PKDCC: variants seen among roughly 807,000 people sequenced by gnomAD.
PKDCC encodes extracellular tyrosine-protein kinase PKDCC.
A neutral mutation model predicts 44.7 loss-of-function variants in PKDCC; 35 were observed. The ratio of observed to expected loss-of-function variants is 0.78; its 90% confidence interval spans 0.60 to 1.04. The LOEUF is 1.04. Among genes scored for constraint, PKDCC ranks in the 50% least tolerant of loss-of-function variants. PKDCC has a pLI of 0.00. For synonymous variants in PKDCC, 353 were observed against 303.3 expected (o/e 1.16, Z -1.70); for missense variants, 738 against 672.7 (o/e 1.10, Z -1.07).
chr2:42,048,279 C>A lies in PKDCC; in HGVS notation c.80C>A (p.Ala27Asp). Residue 27 changes from alanine to aspartate, a missense_variant, in exon 1 of 7, where the codon GCT becomes GAT. By Grantham distance (126) the Ala-to-Asp change is moderately radical. Coordinates refer to ENST00000294964, the MANE Select transcript of PKDCC (RefSeq NM_138370.3). The surrounding 1 kb of genome is among the most constrained non-coding windows in gnomAD (Gnocchi z 6.2). Reference sequence around the variant, plus strand: ...GGCTCCGTCCTCAACGTGCTCTTCGCTCCGGGCTCGGAGCCTCCGAGGCCA... The same window carrying A: ...GGCTCCGTCCTCAACGTGCTCTTCGATCCGGGCTCGGAGCCTCCGAGGCCA... ...LLGSVLNVLFAPGSEPPRPGQ... is the reference protein window; with the variant it reads ...LLGSVLNVLFDPGSEPPRPGQ... The A allele has an allele frequency of 1.6e-6, 2 of 1,277,592 alleles. No individual in the cohort carries two copies. Among genetic ancestry groups the A allele is most frequent in the African/African-American group, 1.6e-5 (1 of 62,984 alleles). 79.1% of individuals were successfully genotyped at this position (1,277,592 alleles called of 1,614,324 possible).
intron 5 of PKDCC, among the ~76,000 whole-genome samples, chr2:42,056,746 A>G (rs10185599): frequency 0.31 from 46,835 of 151,138 alleles, 7,979 homozygotes; most frequent in African/African-American, 0.43. Flanking sequence ...TCTAGGCAAC[A>G]GAGTGAGACC....
Position 42,054,358 on chromosome 2 carries a change from AG to A in PKDCC, c.1034+54del. On this transcript the variant is annotated intron_variant, in intron 3 of 6. Transcript: ENST00000294964. The surrounding 1 kb of genome is among the most constrained non-coding windows in gnomAD (Gnocchi z 6.1). The stretch of plus-strand genomic sequence containing the variant: ...CTCCATCGAAGGAGAATGGGCCAGG[AG>A]GGCATGGCAGGAAGAGAGCCAACGT... The A allele has an allele frequency of 6.5e-7, 1 of 1,539,820 alleles. No individual in the cohort carries two copies.
Position 42,051,861 on chromosome 2 carries a change from G to A in PKDCC, c.640-1378G>A, listed in dbSNP as rs990964990. On this transcript the variant is annotated intron_variant, in intron 1 of 6. Transcript: ENST00000294964. The surrounding 1 kb of genome is among the most constrained non-coding windows in gnomAD (Gnocchi z 4.2). ...GAGGACCTGGAGTGGCTCTGGGGAG[G>A]GTGTGAATGATGGTATGAGGGTGAC... Among the ~76,000 whole-genome samples, 2 of 152,102 alleles carry A rather than the reference G, an allele frequency of 1.3e-5. No homozygotes were observed. The highest frequency in any genetic ancestry group is 2.4e-5 in the African/African-American group (1 of 41,414).
In PKDCC at chr2:42,055,462, T is replaced by A. The variant is rs1558433044; in HGVS notation, c.1222+69T>A. The stretch of plus-strand genomic sequence containing the variant: ...GGGAGGGTGAATGACCCCGCCCAAT[T>A]AGGCTAAGTGGCTCACCCTTTCTCT... On this transcript the variant is annotated intron_variant, in intron 5 of 6. Transcript: ENST00000294964. This position sits in a 1 kb window ranked among gnomAD's most constrained non-coding sequence, Gnocchi z 4.5. 2.1e-6 allele frequency: 3 copies of A among 1,397,970 alleles called. No homozygotes were observed. Among genetic ancestry groups the A allele is most frequent in the Admixed American group, 1.9e-5 (1 of 51,474 alleles). The allele number at this position is 1,397,970 out of a possible 1,614,324, so 86.6% of individuals were successfully genotyped here. A position where few individuals can be genotyped will look rare whatever the true frequency, so the allele number is the denominator to read the frequency against.
chr2:42,054,957 C>T lies in PKDCC; in HGVS notation c.1051C>T (p.Leu351Phe), dbSNP rs1668028377. Residue 351 changes from leucine (L) to phenylalanine (F), a missense_variant, in exon 4 of 7, where the codon CTC (leucine) becomes TTC (phenylalanine). By Grantham distance (22) the Leu-to-Phe change is conservative. Transcript: ENST00000294964. The surrounding 1 kb of genome is among the most constrained non-coding windows in gnomAD (Gnocchi z 6.1). ...YNAYRFFFTY[L>F]LPHSAPPSLR... ...CTGCCACAGGTTTTTCTTCACATAC[C>T]TCCTGCCTCACAGTGCCCCGCCTTC... The T allele has an allele frequency of 6.2e-7, 1 of 1,613,904 alleles. No individual in the cohort carries two copies. Among genetic ancestry groups the T allele is most frequent in the Non-Finnish European group, 8.5e-7 (1 of 1,179,906 alleles).
Position 42,057,598 on chromosome 2 carries a change from C to T in PKDCC, c.1397-5C>T. On this transcript the variant is annotated splice_region_variant and splice_polypyrimidine_tract_variant and intron_variant, in intron 6 of 6. Transcript: ENST00000294964. Reference sequence around the variant, plus strand: ...GCCCTGTTACCTCTCACCTCTGCCCCCCAGGTCGGCAGCTGGTCTTTTTCA... The same window carrying T: ...GCCCTGTTACCTCTCACCTCTGCCCTCCAGGTCGGCAGCTGGTCTTTTTCA... 1 of 1,613,412 alleles carries T rather than the reference C, an allele frequency of 6.2e-7. No homozygotes were observed. Among genetic ancestry groups the T allele is most frequent in the Non-Finnish European group, 8.5e-7 (1 of 1,179,760 alleles).
intron 1 of PKDCC, among the ~76,000 whole-genome samples, chr2:42,050,693 T>A (rs1667949937): frequency 6.6e-6 from 1 of 151,936 alleles, no homozygotes; most frequent in Non-Finnish European, 1.5e-5. Context: ...TATTGTAGAG[T>A]CCCAGACGAG....
Position 42,054,927 on chromosome 2 carries a change from TC to T in PKDCC, c.1035-11del. 1 of 1,609,638 alleles carries T rather than the reference TC, an allele frequency of 6.2e-7. No individual in the cohort carries two copies. The highest frequency in any genetic ancestry group is 8.5e-7 in the Non-Finnish European group (1 of 1,175,964). On this transcript the variant is annotated splice_polypyrimidine_tract_variant and intron_variant, in intron 3 of 6. Coordinates refer to ENST00000294964, the MANE Select transcript of PKDCC (RefSeq NM_138370.3). This position sits in a 1 kb window ranked among gnomAD's most constrained non-coding sequence, Gnocchi z 6.1. ...AGGCTGGATTCCTGAGCCACTGGTT[TC>T]CCTCTGCCACAGGTTTTTCTTCACA...
Position 42,048,400 on chromosome 2 carries a change from G to A in PKDCC, c.201G>A (p.Val67=), listed in dbSNP as rs888161729. Residue 67 remains valine (V), a synonymous_variant, in exon 1 of 7, where the codon GTG becomes GTA. Transcript: ENST00000294964. This position sits in a 1 kb window ranked among gnomAD's most constrained non-coding sequence, Gnocchi z 6.2. ...AGATCCGGGCGCGCTACGAGGAGGT[G>A]CAGCGCTATTCCCGCGGGGGCCCCG... ...ARQIRARYEE[V]QRYSRGGPGP... The A allele has an allele frequency of 1.2e-5, 14 of 1,159,822 alleles. No individual in the cohort carries two copies. The highest frequency in any genetic ancestry group is 1.5e-5 in the Non-Finnish European group (14 of 944,480). 71.8% of individuals were successfully genotyped at this position (1,159,822 alleles called of 1,614,324 possible). A position where few individuals can be genotyped will look rare whatever the true frequency, so the allele number is the denominator to read the frequency against.
In PKDCC at chr2:42,048,712, C is replaced by G. The variant is rs781015864; in HGVS notation, c.513C>G (p.Ser171Arg). 1 of 1,557,510 alleles carries G rather than the reference C, an allele frequency of 6.4e-7. No individual in the cohort carries two copies. Residue 171 changes from serine (S) to arginine (R), a missense_variant, in exon 1 of 7, where the codon AGC becomes AGG. By Grantham distance (110) the Ser-to-Arg change is moderately radical. Transcript: ENST00000294964. This position sits in a 1 kb window ranked among gnomAD's most constrained non-coding sequence, Gnocchi z 6.2. ...AAVALKAVDF[S>R]GHDLGSCVRE... ...TGGCGCTCAAGGCGGTGGACTTTAG[C>G]GGCCACGATCTGGGCAGCTGCGTGC... is the stretch of plus-strand genomic sequence containing the variant.
chr2:42,053,550 G>A (rs1668004488), intron 2 of PKDCC, 189 bp downstream of exon 2: 2 of 763,980 alleles, frequency 2.6e-6, no homozygotes, highest in Non-Finnish European at 4.1e-6. Flanking sequence ...ATCCCGACAT[G>A]CTGTGCTCTT....
chr2:42,054,375 G>A lies in PKDCC; in HGVS notation c.1034+68G>A. 6.6e-7 allele frequency: 1 copy of A among 1,513,848 alleles called. No homozygotes were observed. Among genetic ancestry groups the A allele is most frequent in the Admixed American group, 2.0e-5 (1 of 49,916 alleles). The allele number at this position is 1,513,848 out of a possible 1,614,324, so 93.8% of individuals were successfully genotyped here. A position where few individuals can be genotyped will look rare whatever the true frequency, so the allele number is the denominator to read the frequency against. On this transcript the variant is annotated intron_variant, in intron 3 of 6. Coordinates refer to ENST00000294964, the MANE Select transcript of PKDCC (RefSeq NM_138370.3). The surrounding 1 kb of genome is among the most constrained non-coding windows in gnomAD (Gnocchi z 6.1). ...GGGCCAGGAGGGCATGGCAGGAAGA[G>A]AGCCAACGTGGAGGCCAGCTGGGCA... is the stretch of plus-strand genomic sequence containing the variant.
In PKDCC at chr2:42,057,704, GGCTGACCA is replaced by G. The variant is rs779326561; in HGVS notation, c.*23_*30del. 4.3e-5 allele frequency: 70 copies of G among 1,610,260 alleles called. No homozygotes were observed. Among genetic ancestry groups the G allele is most frequent in the Non-Finnish European group, 5.7e-5 (67 of 1,177,562 alleles). On this transcript the variant is annotated 3_prime_UTR_variant, in exon 7 of 7. Coordinates refer to ENST00000294964, the MANE Select transcript of PKDCC (RefSeq NM_138370.3). ...CTCTGGCTGACCTATCTGAGGGCTC[GGCTGACCA>G]GCTGACTATCCTCAGCAGCTGGGCT...
At position 42,048,334 on chromosome 2, in the gene PKDCC, G is replaced by T; in HGVS notation, c.135G>T (p.Pro45=). The change falls in exon 1 of 7, where the codon CCG becomes CCT. Residue 45 remains proline (P), a synonymous_variant. Transcript: ENST00000294964. This position sits in a 1 kb window ranked among gnomAD's most constrained non-coding sequence, Gnocchi z 6.2. Reference sequence around the variant, plus strand: ...AGTCCCCTGAGCCTTCGCCGGCCCCGGGTCCGGGCCGTCGCGGGGGCCGCG... The same window carrying T: ...AGTCCCCTGAGCCTTCGCCGGCCCCTGGTCCGGGCCGTCGCGGGGGCCGCG... ...PGQSPEPSPA[P]GPGRRGGRGE... is the part of the protein sequence containing the mutation. The T allele has an allele frequency of 8.5e-7, 1 of 1,178,662 alleles. No homozygotes were observed. Among genetic ancestry groups the T allele is most frequent in the Non-Finnish European group, 1.0e-6 (1 of 953,390 alleles). The allele number at this position is 1,178,662 out of a possible 1,614,324, so 73.0% of individuals were successfully genotyped here.
chr2:42,049,520 G>T (rs1667933174), intron 1 of PKDCC, among the ~76,000 whole-genome samples: 2 of 152,162 alleles, frequency 1.3e-5, no homozygotes, highest in Admixed American at 6.5e-5. Flanking sequence ...AAGCCTGAAG[G>T]TCTCAGCTCA....
chr2:42,055,067 C>A lies in PKDCC; in HGVS notation c.1114+47C>A, dbSNP rs372977163. The stretch of plus-strand genomic sequence containing the variant: ...TGCTTCCAGGCACCTACCCCACCCC[C>A]ACCCGCCAGCAAAAGTGGGGAGAAA... On this transcript the variant is annotated intron_variant, in intron 4 of 6. Coordinates refer to ENST00000294964, the MANE Select transcript of PKDCC (RefSeq NM_138370.3). The surrounding 1 kb of genome is among the most constrained non-coding windows in gnomAD (Gnocchi z 4.5). 6.4e-7 allele frequency: 1 copy of A among 1,553,512 alleles called. No homozygotes were observed. The highest frequency in any genetic ancestry group is 1.7e-5 in the Admixed American group (1 of 59,344).
At position 42,057,735 on chromosome 2, in the gene PKDCC, GC is replaced by G; in HGVS notation, c.*48del. The G allele has an allele frequency of 6.4e-7, 1 of 1,559,126 alleles. No individual in the cohort carries two copies. The highest frequency in any genetic ancestry group is 8.8e-7 in the Non-Finnish European group (1 of 1,135,842). On this transcript the variant is annotated 3_prime_UTR_variant, in exon 7 of 7. Transcript: ENST00000294964. ...CCAGCTGACTATCCTCAGCAGCTGG[GC>G]TTGCCTGTGGAGGGAGTGACTTGCA...
intron 5 of PKDCC, among the ~76,000 whole-genome samples, chr2:42,056,269 G>C (rs1172237831): frequency 6.6e-6 from 1 of 152,158 alleles, no homozygotes; most frequent in Non-Finnish European, 1.5e-5. Flanking sequence ...CAGTGGGAAA[G>C]ACAGGAGCAA....
chr2:42,048,349 C>A lies in PKDCC; in HGVS notation c.150C>A (p.Arg50=). Residue 50 remains arginine, a synonymous_variant, in exon 1 of 7, where the codon CGC becomes CGA. Transcript: ENST00000294964. The surrounding 1 kb of genome is among the most constrained non-coding windows in gnomAD (Gnocchi z 6.2). ...EPSPAPGPGR[R]GGRGELARQI... is the part of the protein sequence containing the mutation. ...CGCCGGCCCCGGGTCCGGGCCGTCG[C>A]GGGGGCCGCGGGGAGCTGGCCCGGC... The A allele has an allele frequency of 8.7e-7, 1 of 1,155,844 alleles. No individual in the cohort carries two copies. The allele number at this position is 1,155,844 out of a possible 1,614,324, so 71.6% of individuals were successfully genotyped here.
Sources: allele counts gnomAD v4.1 joint callset (sites outside exome capture counted in the v4.1 genomes callset), GRCh38; gene constraint gnomAD v4.1.1; non-coding constraint Gnocchi (gnomAD v3.1); transcripts MANE v1.5; gene names NCBI Gene and HGNC (gene_info 2026-07-23, HGNC 2026-07-21).